C8B: variants seen among roughly 807,000 people sequenced by gnomAD.
C8B encodes complement component C8 beta chain.
Under a neutral mutation model 64.6 loss-of-function variants are expected in C8B, and 67 were observed. The observed-to-expected ratio is 1.04, with a 90% CI of 0.85 to 1.27. The LOEUF is 1.27. Ranked by LOEUF, C8B falls within the 50% of genes most tolerant of loss-of-function variation. The pLI is 0.00. For missense variants in C8B, 790 were observed against 725.2 expected (o/e 1.09, Z -1.03); for synonymous variants, 284 against 257.7 (o/e 1.10, Z -0.98).
At chr1:56,962,327 G>A (rs1013332009) in intron 1 of C8B, among the ~76,000 whole-genome samples, 7 of 152,132 alleles carry the variant, frequency 4.6e-5, no homozygotes, top group African/African-American at 1.2e-4. Context: ...AAATTACATC[G>A]GATGAGATGT....
Position 56,954,680 on chromosome 1 carries a change from A to G in C8B, c.533+6T>C, listed in dbSNP as rs1432881073. On this transcript the variant is annotated splice_donor_region_variant and intron_variant, in intron 4 of 11. Coordinates refer to ENST00000371237, the MANE Select transcript of C8B (RefSeq NM_000066.4). ...CCATCTACGCCACAGAAAAATGGTC[A>G]CTTACCCACTGGCCAGACTGCCAAT... 43 of 1,614,026 alleles carry G rather than the reference A, an allele frequency of 2.7e-5. No individual in the cohort carries two copies. The highest frequency in any genetic ancestry group is 3.6e-5 in the Non-Finnish European group (42 of 1,180,004).
intron 1 of C8B, among the ~76,000 whole-genome samples, chr1:56,965,422 T>TGC (rs1645240973): frequency 1.3e-5 from 2 of 151,632 alleles, no homozygotes; most frequent in Non-Finnish European, 2.9e-5. Flanking sequence ...TGTGTGTGTG[T>TGC]GTAAGAAGGG....
At chr1:56,938,428 A>C (rs116064367) in intron 9 of C8B, among the ~76,000 whole-genome samples, 6,134 of 152,290 alleles carry the variant, frequency 0.04, 176 homozygotes, top group Middle Eastern at 0.082. Context: ...CTTTTATTTC[A>C]TAAATTCTTC....
intron 9 of C8B, 111 bp downstream of exon 9, chr1:56,940,738 A>C: frequency 8.0e-7 from 1 of 1,242,382 alleles, no homozygotes; most frequent in South Asian, 1.2e-5. Context: ...TGTGTCCCAA[A>C]ATTAGGGCCT....
At chr1:56,952,767 C>T (rs1047195113) in intron 4 of C8B, among the ~76,000 whole-genome samples, 16 of 152,188 alleles carry the variant, frequency 1.1e-4, no homozygotes, top group African/African-American at 2.9e-4. Context: ...TGGCCACTTA[C>T]TACCTGTGTG....
chr1:56,936,721 A>T (rs1326805586), intron 9 of C8B, among the ~76,000 whole-genome samples: 1 of 151,694 alleles, frequency 6.6e-6, no homozygotes, highest in East Asian at 1.9e-4. Context: ...CAGCCTCCCG[A>T]GTAGCTGGAT....
chr1:56,947,522 C>G (rs139336433), intron 6 of C8B, among the ~76,000 whole-genome samples: 41 of 152,318 alleles, frequency 2.7e-4, no homozygotes, highest in African/African-American at 9.9e-4. Flanking sequence ...TGCCTCCAAT[C>G]TGATAACAAC....
chr1:56,941,527 TAGATAGATA>T (rs2101389502), intron 8 of C8B, among the ~76,000 whole-genome samples: 1 of 136,086 alleles, frequency 7.3e-6, no homozygotes, highest in Admixed American at 6.8e-5. Flanking sequence ...GATAGATAGA[TAGATAGATA>T]GATAGATAGA....
At chr1:56,950,132 A>G (rs1645000066) in intron 5 of C8B, among the ~76,000 whole-genome samples, 1 of 152,222 alleles carries the variant, frequency 6.6e-6, no homozygotes, top group Admixed American at 6.5e-5. Flanking sequence ...GAGGAGAAAA[A>G]GGGGATGTTG....
At chr1:56,939,958 A>G (rs568492913) in intron 9 of C8B, among the ~76,000 whole-genome samples, 1 of 152,254 alleles carries the variant, frequency 6.6e-6, no homozygotes, top group South Asian at 2.1e-4. Context: ...GGTCGTGAAT[A>G]TATTAGGTGC....
chr1:56,935,608 G>A (rs181142619), intron 9 of C8B, among the ~76,000 whole-genome samples: 30 of 152,298 alleles, frequency 2.0e-4, no homozygotes, highest in Non-Finnish European at 4.3e-4. Context: ...TCCATAGCTA[G>A]CATTTATTAG....
At chr1:56,950,537 C>T (rs1186146343) in intron 5 of C8B, among the ~76,000 whole-genome samples, 1 of 152,206 alleles carries the variant, frequency 6.6e-6, no homozygotes, top group Non-Finnish European at 1.5e-5. Context: ...CTGCCCACAG[C>T]TCCCATCAGC....
intron 3 of C8B, among the ~76,000 whole-genome samples, 193 bp from the exon 4 acceptor site, chr1:56,955,020 A>G (rs962580098): frequency 2.0e-5 from 3 of 152,176 alleles, no homozygotes; most frequent in African/African-American, 7.2e-5. Flanking sequence ...CTCCCTCAGC[A>G]GAAGAGGCCA....
intron 9 of C8B, 146 bp from the exon 10 acceptor site, chr1:56,933,634 C>A (rs570256981): frequency 1.4e-6 from 1 of 734,558 alleles, no homozygotes; most frequent in African/African-American, 1.7e-5. Flanking sequence ...CCCATCTTCT[C>A]TCTGCTTCCC....
intron 4 of C8B, 106 bp downstream of exon 4, chr1:56,954,580 G>A (rs1645074365): frequency 4.1e-6 from 6 of 1,448,458 alleles, no homozygotes; most frequent in Non-Finnish European, 5.8e-6. Flanking sequence ...TTCTCAGAAA[G>A]GTGAGTGAGG....
At position 56,961,293 on chromosome 1, in the gene C8B, A is replaced by T. The variant is rs1483807937; in HGVS notation, c.93-1117T>A. On this transcript the variant is annotated intron_variant, in intron 1 of 11. Transcript: ENST00000371237. ...AAAAAGAGATGGGAAGACAAAAGGA[A>T]TGGAGGTTTGCTGAGCACCTATGAC... Among the ~76,000 whole-genome samples, 3 of 152,218 alleles carry T rather than the reference A, an allele frequency of 2.0e-5. No homozygotes were observed. In the East Asian group the frequency reaches 5.8e-4, roughly 29 times the overall value.
chr1:56,934,775 C>T (rs1318358302), intron 9 of C8B, among the ~76,000 whole-genome samples: 1 of 152,062 alleles, frequency 6.6e-6, no homozygotes, highest in Non-Finnish European at 1.5e-5. Context: ...ATCCAACCTG[C>T]TGGCCACACA....
intron 3 of C8B, 62 bp downstream of exon 3, chr1:56,956,707 G>C (rs1645108194): frequency 6.3e-7 from 1 of 1,579,798 alleles, no homozygotes; most frequent in African/African-American, 1.3e-5. Flanking sequence ...CCTGTCCCTT[G>C]GTCATCAAGA....
At chr1:56,957,999 A>C (rs2101456841) in intron 2 of C8B, among the ~76,000 whole-genome samples, 1 of 152,240 alleles carries the variant, frequency 6.6e-6, no homozygotes, top group African/African-American at 2.4e-5. Context: ...GGGTGGAGGA[A>C]ATTCCTGTAC....
Sources: allele counts gnomAD v4.1 joint callset (sites outside exome capture counted in the v4.1 genomes callset), GRCh38; gene constraint gnomAD v4.1.1; transcripts MANE v1.5; gene names NCBI Gene and HGNC (gene_info 2026-07-23, HGNC 2026-07-21).